Variants in MITF observed in about 807,000 individuals in gnomAD.
The protein encoded by MITF is melanocyte inducing transcription factor, also known as microphthalmia-associated transcription factor.
Under a neutral mutation model 60.5 loss-of-function variants are expected in MITF, and 17 were observed. The observed-to-expected ratio is 0.28, with a 90% confidence interval of 0.19 to 0.42. The LOEUF (loss-of-function observed/expected upper bound fraction) is 0.42. MITF is among the 10% of genes least tolerant of loss of function. The probability of loss-of-function intolerance (pLI) is 1.00; values close to 1 mark genes in which losing one functional copy is unlikely to be tolerated. For synonymous variants in MITF, 260 were observed against 248.5 expected, an observed-to-expected ratio of 1.05 and a Z score of -0.43; for missense variants, 622 against 683.5, an observed-to-expected ratio of 0.91 and a Z score of 1.00.
At chr3:69,797,561 TAGAG>T (rs2062851747) in intron 1 of MITF, among the ~76,000 whole-genome samples, 1 of 152,212 alleles carries the variant, frequency 6.6e-6, no homozygotes, top group African/African-American at 2.4e-5. Context: ...ATTAAGAATT[TAGAG>T]AGCCCATTTC....
intron 5 of MITF, among the ~76,000 whole-genome samples, chr3:69,942,679 G>A (rs1174062871): frequency 6.6e-6 from 1 of 151,980 alleles, no homozygotes; most frequent in African/African-American, 2.4e-5. Flanking sequence ...CGAACCTCTT[G>A]GAATCCTTGG....
chr3:69,741,927 G>T (rs1703543133), intron 1 of MITF, among the ~76,000 whole-genome samples: 1 of 152,158 alleles, frequency 6.6e-6, no homozygotes, highest in Non-Finnish European at 1.5e-5. Flanking sequence ...ACAAGTCTTT[G>T]TCGGAAAAAG....
intron 1 of MITF, chr3:69,778,810 T>TC (rs1402633789): frequency 6.6e-6 from 1 of 152,198 alleles, no homozygotes; most frequent in African/African-American, 2.4e-5. Context: ...CATTTTTTTT[T>TC]CTCTCAGATT....
At chr3:69,863,277 G>T (rs1451523851) in intron 1 of MITF, among the ~76,000 whole-genome samples, 3 of 152,160 alleles carry the variant, frequency 2.0e-5, no homozygotes, top group African/African-American at 7.2e-5. Flanking sequence ...AACATCTCAT[G>T]AATTTTGTAT....
At chr3:69,864,331 G>A (rs1247098253) in intron 1 of MITF, among the ~76,000 whole-genome samples, 3 of 152,214 alleles carry the variant, frequency 2.0e-5, no homozygotes, top group African/African-American at 7.2e-5. Context: ...AGGTTAGTAA[G>A]ATAAATAGTG....
chr3:69,799,373 G>A lies in MITF; in HGVS notation c.104+59672G>A, dbSNP rs547107692. ...AGTGTTGGAAAGAGGAAATAACTGG[G>A]AAGTGACCTGACAGAAAATTGGGCA... On this transcript the variant is annotated intron_variant, in intron 1 of 9. Transcript: ENST00000352241. Among the ~76,000 whole-genome samples, 3 of 152,276 alleles carry A rather than the reference G, an allele frequency of 2.0e-5. No individual in the cohort carries two copies. The South Asian group carries it at 6.2e-4, about 32-fold the overall frequency.
At chr3:69,761,307 A>T (rs2062209019) in intron 1 of MITF, among the ~76,000 whole-genome samples, 1 of 152,196 alleles carries the variant, frequency 6.6e-6, no homozygotes, top group African/African-American at 2.4e-5. Context: ...TAAGTGTTTT[A>T]TATAATATAA....
At chr3:69,761,956 C>T (rs1314030431) in intron 1 of MITF, among the ~76,000 whole-genome samples, 1 of 152,192 alleles carries the variant, frequency 6.6e-6, no homozygotes, top group Non-Finnish European at 1.5e-5. Flanking sequence ...TTTCACTCAT[C>T]TCTTTTTCCC....
At chr3:69,855,919 A>G (rs931993387) in intron 1 of MITF, among the ~76,000 whole-genome samples, 2 of 152,152 alleles carry the variant, frequency 1.3e-5, no homozygotes, top group African/African-American at 4.8e-5. Context: ...GGCACTATCA[A>G]CAAACGCAGC....
At chr3:69,875,121 G>A (rs531673774) in intron 1 of MITF, among the ~76,000 whole-genome samples, 68 of 152,286 alleles carry the variant, frequency 4.5e-4, no homozygotes, top group African/African-American at 1.5e-3. Context: ...AGGTCAAGTG[G>A]CTCATTAAAG....
chr3:69,886,153 A>G (rs916678722), intron 2 of MITF, among the ~76,000 whole-genome samples: 1 of 152,074 alleles, frequency 6.6e-6, no homozygotes, highest in African/African-American at 2.4e-5. Context: ...AGAGATAGCA[A>G]TGTTCAGCCT....
rs529307311 is a variant in MITF at position 69,944,332 on chromosome 3, A to C, written c.762+3001A>C. Among the ~76,000 whole-genome samples, 4 of 152,088 alleles carry C rather than the reference A, an allele frequency of 2.6e-5. No individual in the cohort carries two copies. The South Asian group carries it at 8.3e-4, about 32-fold the overall frequency. Reference sequence around the variant, plus strand: ...CGGGGGTTACCAGTCTAGAAGGGGGAGACTCTTTTAGCCCTTGAGGGGAGA... The same window carrying C: ...CGGGGGTTACCAGTCTAGAAGGGGGCGACTCTTTTAGCCCTTGAGGGGAGA... On this transcript the variant is annotated intron_variant, in intron 5 of 9. Transcript: ENST00000352241.
chr3:69,776,478 A>G (rs1348973057), intron 1 of MITF, among the ~76,000 whole-genome samples: 1 of 152,182 alleles, frequency 6.6e-6, no homozygotes, highest in Non-Finnish European at 1.5e-5. Context: ...TCATATGCAC[A>G]ATGGAGATAG....
chr3:69,891,295 G>A (rs990311118), intron 2 of MITF, among the ~76,000 whole-genome samples: 21 of 152,162 alleles, frequency 1.4e-4, no homozygotes, highest in African/African-American at 4.6e-4. Flanking sequence ...AGAGAGGGAA[G>A]ACAAATTGAA....
intron 1 of MITF, among the ~76,000 whole-genome samples, chr3:69,756,128 T>G (rs1022944743): frequency 1.4e-5 from 2 of 146,244 alleles, no homozygotes; most frequent in East Asian, 4.0e-4. Context: ...ATGTGGCAAG[T>G]TTTTTTTTTT....
chr3:69,927,371 G>C (rs2065617616), intron 2 of MITF, among the ~76,000 whole-genome samples: 1 of 152,064 alleles, frequency 6.6e-6, no homozygotes, highest in Non-Finnish European at 1.5e-5. Flanking sequence ...GCCTGTTGAG[G>C]GGTGGGGGAC....
At chr3:69,896,381 C>T (rs2064876504) in intron 2 of MITF, among the ~76,000 whole-genome samples, 1 of 152,266 alleles carries the variant, frequency 6.6e-6, no homozygotes, top group African/African-American at 2.4e-5. Context: ...ATAAAGAAGG[C>T]TGTCTCTGGG....
intron 1 of MITF, among the ~76,000 whole-genome samples, chr3:69,772,425 A>T (rs2062407758): frequency 6.6e-6 from 1 of 152,258 alleles, no homozygotes; most frequent in East Asian, 1.9e-4. Context: ...CTTTTTTGGG[A>T]TGTCCAATCT....
At chr3:69,749,456 C>G (rs1703848282) in intron 1 of MITF, among the ~76,000 whole-genome samples, 1 of 152,180 alleles carries the variant, frequency 6.6e-6, no homozygotes, top group African/African-American at 2.4e-5. Context: ...GCTGGCACCT[C>G]AGCCAATAAG....
Sources: allele counts gnomAD v4.1 joint callset (sites outside exome capture counted in the v4.1 genomes callset), GRCh38; gene constraint gnomAD v4.1.1; transcripts MANE v1.5; gene names NCBI Gene and HGNC (gene_info 2026-07-23, HGNC 2026-07-21).